AHCTF1: variants seen among roughly 807,000 people sequenced by gnomAD.
AHCTF1 encodes the protein AT-hook containing transcription factor 1.
In AHCTF1, 24 loss-of-function variants were observed where a neutral mutation model predicts 248.4. The ratio of observed to expected loss-of-function variants is 0.10; its 90% CI spans 0.07 to 0.14. The LOEUF is 0.14. AHCTF1 is among the 10% of genes least tolerant of loss of function. The pLI, the probability that AHCTF1 is intolerant of heterozygous loss-of-function variation, is 1.00. For synonymous variants in AHCTF1, 786 were observed against 929.8 expected (o/e 0.85, Z 2.81); for missense variants, 2,206 against 2,636.2 (o/e 0.84, Z 3.57).
chr1:246,857,957 CT>C, intron 29 of AHCTF1, 143 bp from the exon 30 acceptor site: 1 of 454,946 alleles, frequency 2.2e-6, no homozygotes. Context: ...ACTGCTAACA[CT>C]TTCTTCTTTT....
At chr1:246,860,081 G>A (rs1372812009) in intron 29 of AHCTF1, among the ~76,000 whole-genome samples, 2 of 151,952 alleles carry the variant, frequency 1.3e-5, no homozygotes, top group African/African-American at 2.4e-5. Flanking sequence ...CCAATATGGT[G>A]AAACCCCGTC....
chr1:246,845,165 T>C (rs1660156817), intron 33 of AHCTF1, among the ~76,000 whole-genome samples: 1 of 152,254 alleles, frequency 6.6e-6, no homozygotes, highest in South Asian at 2.1e-4. Context: ...TCAAGAGTTC[T>C]ATCAAATTCT....
At chr1:246,849,086 A>G (rs1424195886) in intron 33 of AHCTF1, among the ~76,000 whole-genome samples, 1 of 152,224 alleles carries the variant, frequency 6.6e-6, no homozygotes, top group Non-Finnish European at 1.5e-5. Flanking sequence ...TCTGACCTAC[A>G]CCAACCAAAT....
At chr1:246,889,687 T>C (rs540187346) in intron 17 of AHCTF1, among the ~76,000 whole-genome samples, 2 of 152,330 alleles carry the variant, frequency 1.3e-5, no homozygotes, top group South Asian at 4.1e-4. Context: ...TGCTTTGTAA[T>C]TTTGTCACTG....
In AHCTF1 at chr1:246,891,771, G is replaced by T. The variant is rs764438231; in HGVS notation, c.1945+8C>A. Reference sequence around the variant, plus strand: ...TAAAACACTCATTTGATAAAACAAAGAGCGTACCTCTCTCAGTGATCTCTC... The same window carrying T: ...TAAAACACTCATTTGATAAAACAAATAGCGTACCTCTCTCAGTGATCTCTC... On this transcript the variant is annotated splice_region_variant and intron_variant, in intron 15 of 35. Coordinates refer to ENST00000648844, the MANE Select transcript of AHCTF1 (RefSeq NM_001323342.2). 1.9e-6 allele frequency: 3 copies of T among 1,606,350 alleles called. No homozygotes were observed. Among genetic ancestry groups the T allele is most frequent in the Non-Finnish European group, 2.5e-6 (3 of 1,178,252 alleles).
At chr1:246,887,996 T>C (rs529534864) in intron 19 of AHCTF1, among the ~76,000 whole-genome samples, 181 bp downstream of exon 19, 34 of 152,320 alleles carry the variant, frequency 2.2e-4, no homozygotes, top group African/African-American at 8.2e-4. Context: ...AAATTTTTCA[T>C]ATAGTTTTAG....
chr1:246,923,301 G>C (rs1346394866), intron 1 of AHCTF1, among the ~76,000 whole-genome samples: 1 of 151,968 alleles, frequency 6.6e-6, no homozygotes, highest in Non-Finnish European at 1.5e-5. Flanking sequence ...TGTAATCCCA[G>C]CTACTCAGGA....
chr1:246,844,870 G>A (rs182676473), intron 33 of AHCTF1, among the ~76,000 whole-genome samples: 43 of 148,388 alleles, frequency 2.9e-4, no homozygotes, highest in East Asian at 2.0e-4. Context: ...AATTACAGAC[G>A]AGCACAGTTC....
In AHCTF1 at chr1:246,877,006, G is replaced by A. The variant is rs779316068; in HGVS notation, c.2881C>T (p.Arg961Cys). Residue 961 changes from arginine (R) to cysteine (C), a missense_variant, in exon 23 of 36, where the codon CGT becomes TGT. This residue lies in a region of AHCTF1 where 955 missense variants were observed against 1,055.6 expected (regional missense o/e 0.90). Coordinates refer to ENST00000648844, the MANE Select transcript of AHCTF1 (RefSeq NM_001323342.2). Reference sequence around the variant, plus strand: ...TTCAAGGCAGGCACATAATTGGCACGCTGCAAATGGTGCACTAAAAGGAAT... The same window carrying A: ...TTCAAGGCAGGCACATAATTGGCACACTGCAAATGGTGCACTAAAAGGAAT... ...HEFLLVHHLQRANYVPALKLN... is the reference protein window; with the variant it reads ...HEFLLVHHLQCANYVPALKLN... The A allele has an allele frequency of 3.3e-5, 53 of 1,611,906 alleles. No individual in the cohort carries two copies. Among genetic ancestry groups the A allele is most frequent in the Non-Finnish European group, 4.2e-5 (50 of 1,179,910 alleles).
At chr1:246,868,939 G>T (rs923962681) in intron 24 of AHCTF1, among the ~76,000 whole-genome samples, 1 of 150,400 alleles carries the variant, frequency 6.6e-6, no homozygotes, top group Non-Finnish European at 1.5e-5. Context: ...CTGCCTCCCG[G>T]GTTCACGCCA....
chr1:246,897,824 A>G (rs187883865), intron 12 of AHCTF1, among the ~76,000 whole-genome samples: 193 of 152,206 alleles, frequency 1.3e-3, no homozygotes, highest in Non-Finnish European at 2.2e-3. Flanking sequence ...CTACCAAAAA[A>G]AAAAAGGGCT....
chr1:246,916,238 T>A lies in AHCTF1; in HGVS notation c.279A>T (p.Gly93=), dbSNP rs1187327284. Residue 93 remains glycine (G), a synonymous_variant, in exon 3 of 36, where the codon GGA becomes GGT. Transcript: ENST00000648844. ...VKEFSWQKRT[G]LLIGLEETEG... ...CTGTTTCTTCCAATCCTATTAATAATCCAGTTCTCTTCTGCCAAGAGAATT... is the reference window on the plus strand; with the variant it reads ...CTGTTTCTTCCAATCCTATTAATAAACCAGTTCTCTTCTGCCAAGAGAATT... 6.2e-7 allele frequency: 1 copy of A among 1,607,868 alleles called. No homozygotes were observed. The highest frequency in any genetic ancestry group is 2.2e-5 in the East Asian group (1 of 44,846).
Position 246,877,024 on chromosome 1 carries a change from A to G in AHCTF1, c.2863T>C (p.Leu955=). 6.2e-7 allele frequency: 1 copy of G among 1,612,174 alleles called. No individual in the cohort carries two copies. The highest frequency in any genetic ancestry group is 1.1e-5 in the South Asian group (1 of 90,996). The stretch of plus-strand genomic sequence containing the variant: ...TTGGCACGCTGCAAATGGTGCACTA[A>G]AAGGAATTCATGATTCTGAACGCTG... ...SASVQNHEFL[L]VHHLQRANYV... is the part of the protein sequence containing the mutation. The change falls in exon 23 of 36, where the codon TTA becomes CTA. Residue 955 remains leucine (L), a synonymous_variant. Coordinates refer to ENST00000648844, the MANE Select transcript of AHCTF1 (RefSeq NM_001323342.2).
chr1:246,916,348 C>G lies in AHCTF1; in HGVS notation c.169G>C (p.Val57Leu), dbSNP rs368970530. ...CLACGPQLEV[V>L]NSITGERLSA... Reference sequence around the variant, plus strand: ...AATCGCTCTCCTGTTATAGAGTTTACTACCTCAAGTTGTGGACCACAAGCC... The same window carrying G: ...AATCGCTCTCCTGTTATAGAGTTTAGTACCTCAAGTTGTGGACCACAAGCC... Residue 57 changes from valine to leucine, a missense_variant, in exon 3 of 36, where the codon GTA becomes CTA. Transcript: ENST00000648844. 6.2e-7 allele frequency: 1 copy of G among 1,606,422 alleles called. No individual in the cohort carries two copies. Among genetic ancestry groups the G allele is most frequent in the Non-Finnish European group, 8.5e-7 (1 of 1,177,442 alleles).
chr1:246,920,565 T>C (rs1666467055), intron 1 of AHCTF1, among the ~76,000 whole-genome samples: 1 of 149,644 alleles, frequency 6.7e-6, no homozygotes, highest in African/African-American at 2.5e-5. Context: ...GGTCAGGAGA[T>C]CGAGACCATC....
intron 28 of AHCTF1, among the ~76,000 whole-genome samples, 177 bp from the exon 29 acceptor site, chr1:246,861,472 T>C (rs1661545921): frequency 6.6e-6 from 1 of 152,176 alleles, no homozygotes; most frequent in South Asian, 2.1e-4. Flanking sequence ...AAGTTAATGG[T>C]GGCTAATGTT....
intron 29 of AHCTF1, among the ~76,000 whole-genome samples, chr1:246,858,255 G>A (rs953742144): frequency 2.6e-5 from 4 of 151,780 alleles, no homozygotes; most frequent in East Asian, 1.9e-4. Context: ...CACTGCACCC[G>A]GCCAACACCT....
rs1247437178 is a variant in AHCTF1 at position 246,888,184 on chromosome 1, T to C, written c.2318A>G (p.His773Arg). The change falls in exon 19 of 36, where the codon CAC (histidine) becomes CGC (arginine). Residue 773 changes from histidine to arginine, a missense_variant. Transcript: ENST00000648844. ...LLDGVTEAAK[H>R]SITIYLLLDI... is the part of the protein sequence containing the mutation. The stretch of plus-strand genomic sequence containing the variant: ...TAAAACTTAAAAGGATACAATAGAG[T>C]GTTTGGCTGCTTCAGTAACGCCGTC... 3 of 1,613,928 alleles carry C rather than the reference T, an allele frequency of 1.9e-6. No individual in the cohort carries two copies. The highest frequency in any genetic ancestry group is 4.5e-5 in the East Asian group (2 of 44,862).
intron 19 of AHCTF1, 31 bp from the exon 20 acceptor site, chr1:246,887,388 T>C: frequency 6.3e-7 from 1 of 1,578,700 alleles, no homozygotes; most frequent in Non-Finnish European, 8.6e-7. Flanking sequence ...GACAATAAAA[T>C]ACAACAACAA....
Sources: gnomAD v4.1 joint callset for allele counts (sites outside exome capture counted in the v4.1 genomes callset) on GRCh38, gnomAD v4.1.1 for gene constraint, gnomAD v4.1.1 regional missense constraint, MANE v1.5 for transcripts, NCBI Gene and HGNC (gene_info 2026-07-23, HGNC 2026-07-21) for gene names.